The following RUNDC3B variants were observed in gnomAD, a reference collection of about 807,000 sequenced individuals.
RUNDC3B encodes the protein RUN domain containing 3B, also known as RUN domain-containing protein 3B.
Under a neutral mutation model 58.4 loss-of-function variants are expected in RUNDC3B, and 33 were observed. The ratio of observed to expected loss-of-function variants is 0.56; its 90% CI spans 0.43 to 0.75. RUNDC3B has a LOEUF of 0.75. Among genes scored for constraint, RUNDC3B ranks in the 30% least tolerant of loss-of-function variants. The probability of loss-of-function intolerance (pLI) is 0.00; values close to 1 mark genes in which losing one functional copy is unlikely to be tolerated. For synonymous variants in RUNDC3B, 193 were observed against 195.2 expected (o/e 0.99, Z 0.10); for missense variants, 501 against 535.7 (o/e 0.94, Z 0.64).
chr7:87,719,275 T>C (rs557198999), intron 4 of RUNDC3B, among the ~76,000 whole-genome samples: 39 of 152,090 alleles, frequency 2.6e-4, no homozygotes, highest in African/African-American at 9.1e-4. Context: ...TTTACTTTTG[T>C]GTGAGGTGCT....
At chr7:87,802,149 T>C (rs1030323634) in intron 8 of RUNDC3B, among the ~76,000 whole-genome samples, 2 of 152,176 alleles carry the variant, frequency 1.3e-5, no homozygotes, top group African/African-American at 4.8e-5. Flanking sequence ...CCCAGCACTT[T>C]GGGAGGCCAA....
At position 87,801,795 on chromosome 7, in the gene RUNDC3B, C is replaced by T. The variant is rs372427854; in HGVS notation, c.957-5578C>T. 6.6e-5 allele frequency among the ~76,000 whole-genome samples: 10 copies of T among 152,044 alleles called. No homozygotes were observed. The East Asian group carries it at 1.3e-3, about 20-fold the overall frequency. The stretch of plus-strand genomic sequence containing the variant: ...ATTAATATTTCTGTAAAACACCCTT[C>T]ATTATTAGAGGAGAGAGGTAAATAT... On this transcript the variant is annotated intron_variant, in intron 8 of 10. Transcript: ENST00000394654.
At chr7:87,827,860 G>A (rs539009302) in intron 10 of RUNDC3B, among the ~76,000 whole-genome samples, 1 of 152,200 alleles carries the variant, frequency 6.6e-6, no homozygotes, top group South Asian at 2.1e-4. Flanking sequence ...ATGTTCAGAA[G>A]TTAGCTCATA....
At chr7:87,816,421 C>CGT (rs766330547) in intron 10 of RUNDC3B, among the ~76,000 whole-genome samples, 159 bp downstream of exon 10, 4 of 152,184 alleles carry the variant, frequency 2.6e-5, no homozygotes, top group South Asian at 4.1e-4. Context: ...GTGTCTTTCT[C>CGT]GTGTGTGTGT....
intron 4 of RUNDC3B, among the ~76,000 whole-genome samples, chr7:87,722,039 T>A (rs1830932548): frequency 6.6e-6 from 1 of 152,070 alleles, no homozygotes; most frequent in Non-Finnish European, 1.5e-5. Context: ...TCATTCTGTT[T>A]CATCAACACA....
chr7:87,752,863 G>A (rs1244524696), intron 6 of RUNDC3B, among the ~76,000 whole-genome samples: 1 of 151,666 alleles, frequency 6.6e-6, no homozygotes, highest in East Asian at 1.9e-4. Flanking sequence ...AGTTTTTTGT[G>A]TCTCTATTTC....
At position 87,628,887 on chromosome 7, in the gene RUNDC3B, A is replaced by G. The variant is rs764711054; in HGVS notation, c.64A>G (p.Lys22Glu). 1 of 1,301,006 alleles carries G rather than the reference A, an allele frequency of 7.7e-7. No homozygotes were observed. Among genetic ancestry groups the G allele is most frequent in the South Asian group, 3.4e-5 (1 of 29,180 alleles). The allele number at this position is 1,301,006 out of a possible 1,614,324, so 80.6% of individuals were successfully genotyped here. The part of the protein sequence containing the change: ...IRGGGGGGGK[K>E]SLSARNAAVE... ...CGGCGGTGGCGGCGGAGGCGGCAAG[A>G]AAAGCCTGAGCGCCCGCAATGCTGC... is the stretch of plus-strand genomic sequence containing the variant. The change falls in exon 1 of 11, where the codon AAA becomes GAA. Residue 22 changes from lysine to glutamate, a missense_variant. Physicochemically the swap from Lys to Glu is moderately conservative, Grantham distance 56 (BLOSUM62 1). Coordinates refer to ENST00000394654, the MANE Select transcript of RUNDC3B (RefSeq NM_001134405.2).
At chr7:87,694,099 TG>T (rs1228318601) in intron 2 of RUNDC3B, 32 of 1,471,222 alleles carry the variant, frequency 2.2e-5, no homozygotes, top group Non-Finnish European at 2.7e-5. Flanking sequence ...TGTGTGTTTT[TG>T]TTTTTTTTTT....
chr7:87,791,301 C>T (rs1009150603), intron 8 of RUNDC3B, among the ~76,000 whole-genome samples: 2 of 152,088 alleles, frequency 1.3e-5, no homozygotes, highest in African/African-American at 4.8e-5. Flanking sequence ...GGGATTTCAT[C>T]AACATCAGAC....
chr7:87,629,021 G>A (rs868489383), intron 1 of RUNDC3B, 76 bp downstream of exon 1: 3 of 1,247,688 alleles, frequency 2.4e-6, no homozygotes, highest in Middle Eastern at 4.6e-4. Flanking sequence ...GGGTCCTTGG[G>A]GGTCCCGGGC....
intron 3 of RUNDC3B, among the ~76,000 whole-genome samples, chr7:87,705,877 G>T (rs896693547): frequency 2.0e-4 from 30 of 152,062 alleles, no homozygotes; most frequent in African/African-American, 6.5e-4. Flanking sequence ...GGGTTTTCAT[G>T]ATATTCCAAC....
At chr7:87,774,841 T>C (rs1266525592) in intron 7 of RUNDC3B, among the ~76,000 whole-genome samples, 4 of 152,202 alleles carry the variant, frequency 2.6e-5, no homozygotes, top group African/African-American at 7.2e-5. Flanking sequence ...TTCCTATCAC[T>C]TAGTGATGTA....
At chr7:87,725,260 G>A (rs1395457343) in intron 4 of RUNDC3B, among the ~76,000 whole-genome samples, 1 of 152,058 alleles carries the variant, frequency 6.6e-6, no homozygotes, top group African/African-American at 2.4e-5. Context: ...CCCACAACAG[G>A]CCCCGGTGTG....
At chr7:87,715,236 T>TTA (rs555303593) in intron 4 of RUNDC3B, among the ~76,000 whole-genome samples, 2 of 136,406 alleles carry the variant, frequency 1.5e-5, no homozygotes, top group Admixed American at 8.2e-5. Flanking sequence ...TATAAGGACT[T>TTA]TATATATATA....
intron 10 of RUNDC3B, among the ~76,000 whole-genome samples, chr7:87,824,970 G>A (rs751558329): frequency 6.6e-6 from 1 of 152,122 alleles, no homozygotes; most frequent in Non-Finnish European, 1.5e-5. Flanking sequence ...AAGGGAAGGA[G>A]AGCATAAAAG....
chr7:87,804,732 C>T (rs559819703), intron 8 of RUNDC3B, among the ~76,000 whole-genome samples: 1 of 152,196 alleles, frequency 6.6e-6, no homozygotes, highest in Non-Finnish European at 1.5e-5. Flanking sequence ...TTTTAGATAG[C>T]AGACTAATTT....
At chr7:87,752,409 T>G (rs1190992051) in intron 6 of RUNDC3B, among the ~76,000 whole-genome samples, 3 of 152,186 alleles carry the variant, frequency 2.0e-5, no homozygotes, top group Admixed American at 6.5e-5. Context: ...TAGGGAGGAT[T>G]CCCTCTTTTT....
At chr7:87,652,915 A>G (rs747278488) in intron 2 of RUNDC3B, among the ~76,000 whole-genome samples, 18 of 152,014 alleles carry the variant, frequency 1.2e-4, no homozygotes, top group Non-Finnish European at 2.5e-4. Flanking sequence ...CTTTTCTACA[A>G]CTACTGGTTA....
chr7:87,744,649 G>A (rs1832539431), intron 6 of RUNDC3B, among the ~76,000 whole-genome samples: 1 of 152,196 alleles, frequency 6.6e-6, no homozygotes, highest in East Asian at 1.9e-4. Context: ...AAGAGTTACT[G>A]ATTTGTGTAC....
Sources: allele counts gnomAD v4.1 joint callset (sites outside exome capture counted in the v4.1 genomes callset), GRCh38; gene constraint gnomAD v4.1.1; transcripts MANE v1.5; gene names NCBI Gene and HGNC (gene_info 2026-07-23, HGNC 2026-07-21).